Variants in MARCHF1 observed in about 807,000 individuals in gnomAD.
The protein encoded by MARCHF1 is E3 ubiquitin-protein ligase MARCHF1.
In MARCHF1, 40 loss-of-function variants were observed where a neutral mutation model predicts 54.2. That is an observed-to-expected ratio of 0.74 (90% CI 0.57 to 0.96). The LOEUF (loss-of-function observed/expected upper bound fraction) is 0.96, where lower values mean the gene tolerates loss of function less well. Among genes scored for constraint, MARCHF1 ranks in the 40% least tolerant of loss-of-function variants. The probability of loss-of-function intolerance (pLI) is 0.00; values close to 1 mark genes in which losing one functional copy is unlikely to be tolerated. For synonymous variants in MARCHF1, 236 were observed against 236.3 expected (o/e 1.00, Z 0.01); for missense variants, 586 against 656.5 (o/e 0.89, Z 1.17).
At chr4:163,892,674 G>C (rs527770267) in intron 3 of MARCHF1, among the ~76,000 whole-genome samples, 4 of 151,264 alleles carry the variant, frequency 2.6e-5, no homozygotes, top group Admixed American at 2.0e-4. Context: ...TATTTTTAAA[G>C]AGTTATCAAT....
intron 5 of MARCHF1, among the ~76,000 whole-genome samples, chr4:163,700,579 A>C (rs1284453978): frequency 6.6e-6 from 1 of 151,154 alleles, no homozygotes; most frequent in Non-Finnish European, 1.5e-5. Flanking sequence ...GAAGGAAGGA[A>C]GGAAGGAAAT....
intron 2 of MARCHF1, among the ~76,000 whole-genome samples, chr4:164,083,344 T>C (rs1225220209): frequency 2.0e-5 from 3 of 152,122 alleles, no homozygotes; most frequent in Non-Finnish European, 4.4e-5. Flanking sequence ...TCAGACCAAG[T>C]ATCATACAAA....
intron 2 of MARCHF1, among the ~76,000 whole-genome samples, chr4:164,011,805 G>A (rs1358619802): frequency 1.3e-5 from 2 of 152,168 alleles, no homozygotes; most frequent in African/African-American, 4.8e-5. Flanking sequence ...TAATATCGAG[G>A]AAAGAGGTAT....
intron 4 of MARCHF1, among the ~76,000 whole-genome samples, chr4:163,734,182 G>A (rs974846266): frequency 2.0e-5 from 3 of 152,186 alleles, no homozygotes; most frequent in African/African-American, 7.2e-5. Context: ...CATTACAAGT[G>A]TTGGCAAGAT....
intron 1 of MARCHF1, among the ~76,000 whole-genome samples, chr4:164,371,860 CTAATT>C (rs1228906139): frequency 3.9e-5 from 6 of 152,180 alleles, no homozygotes; most frequent in African/African-American, 7.2e-5. Flanking sequence ...GTACCTATAA[CTAATT>C]TAGAGAATTA....
At chr4:163,619,469 C>T (rs1741610752) in intron 5 of MARCHF1, among the ~76,000 whole-genome samples, 1 of 152,016 alleles carries the variant, frequency 6.6e-6, no homozygotes, top group South Asian at 2.1e-4. Context: ...TTTAATAAAA[C>T]TCAGTAGGAT....
At chr4:164,149,208 G>A (rs1044909588) in intron 1 of MARCHF1, among the ~76,000 whole-genome samples, 1 of 152,154 alleles carries the variant, frequency 6.6e-6, no homozygotes. Context: ...AGATGCTGGT[G>A]CCATGTTTGT....
intron 5 of MARCHF1, among the ~76,000 whole-genome samples, chr4:163,628,356 G>A (rs1439578928): frequency 6.6e-6 from 1 of 152,036 alleles, no homozygotes; most frequent in Admixed American, 6.6e-5. Context: ...AATTCAACAT[G>A]CTAAAATCTC....
chr4:163,590,172 C>G (rs1324701509), intron 7 of MARCHF1, among the ~76,000 whole-genome samples: 1 of 150,108 alleles, frequency 6.7e-6, no homozygotes, highest in Admixed American at 6.7e-5. Flanking sequence ...TTTAGTGCTC[C>G]CTGCCCCCAT....
At chr4:163,914,701 T>C (rs949376616) in intron 3 of MARCHF1, among the ~76,000 whole-genome samples, 1 of 152,098 alleles carries the variant, frequency 6.6e-6, no homozygotes, top group Non-Finnish European at 1.5e-5. Context: ...AAAATACTAG[T>C]AGTGTTTGTT....
intron 3 of MARCHF1, among the ~76,000 whole-genome samples, chr4:163,878,471 T>C (rs1051837199): frequency 3.3e-5 from 5 of 152,248 alleles, no homozygotes; most frequent in African/African-American, 1.2e-4. Context: ...CATCTTGTCC[T>C]GCCAGAAAGG....
At chr4:163,592,372 C>T (rs1740619038) in intron 7 of MARCHF1, among the ~76,000 whole-genome samples, 1 of 152,140 alleles carries the variant, frequency 6.6e-6, no homozygotes, top group South Asian at 2.1e-4. Flanking sequence ...CCTAATTTGT[C>T]ACCACTGACT....
chr4:164,328,649 C>T (rs1288751450), intron 1 of MARCHF1, among the ~76,000 whole-genome samples: 1 of 152,006 alleles, frequency 6.6e-6, no homozygotes, highest in Admixed American at 6.5e-5. Context: ...CCTGCCTCAG[C>T]CTCCCCAGCA....
chr4:163,904,154 T>C (rs565298840), intron 3 of MARCHF1, among the ~76,000 whole-genome samples: 2 of 152,268 alleles, frequency 1.3e-5, no homozygotes, highest in South Asian at 2.1e-4. Context: ...TAAAATTACA[T>C]GAAAAATATA....
chr4:164,356,291 A>G (rs947659287), intron 1 of MARCHF1, among the ~76,000 whole-genome samples: 2 of 129,594 alleles, frequency 1.5e-5, no homozygotes, highest in African/African-American at 5.3e-5. Flanking sequence ...ACTATAAATC[A>G]TGCTGCTATA....
chr4:163,642,977 G>A (rs559593912), intron 5 of MARCHF1, among the ~76,000 whole-genome samples: 44 of 151,890 alleles, frequency 2.9e-4, no homozygotes, highest in Non-Finnish European at 5.9e-4. Context: ...ATGTGTGTGT[G>A]TATATATACA....
chr4:163,534,725 T>G (rs1738472066), intron 9 of MARCHF1, among the ~76,000 whole-genome samples: 1 of 152,086 alleles, frequency 6.6e-6, no homozygotes, highest in Non-Finnish European at 1.5e-5. Context: ...TACAAATGTT[T>G]CCATGGTCCC....
chr4:163,733,318 G>A (rs1183879077), intron 4 of MARCHF1, among the ~76,000 whole-genome samples: 3 of 124,750 alleles, frequency 2.4e-5, no homozygotes, highest in African/African-American at 9.1e-5. Flanking sequence ...ATATATATAT[G>A]AAAGTCTTCC....
chr4:163,851,261 A>C (rs1328400461), intron 4 of MARCHF1, among the ~76,000 whole-genome samples: 1 of 152,180 alleles, frequency 6.6e-6, no homozygotes, highest in Admixed American at 6.5e-5. Flanking sequence ...TGGACAAGGA[A>C]GATATCCCAG....
Sources: gnomAD v4.1 joint callset for allele counts (sites outside exome capture counted in the v4.1 genomes callset) on GRCh38, gnomAD v4.1.1 for gene constraint, MANE v1.5 for transcripts, NCBI Gene and HGNC (gene_info 2026-07-23, HGNC 2026-07-21) for gene names.